AEBP2: variants seen among roughly 807,000 people sequenced by gnomAD.
AEBP2 encodes zinc finger protein AEBP2.
AEBP2 carries 10 observed loss-of-function variants against 50.8 expected under a neutral mutation model. That is an observed-to-expected ratio of 0.20 (90% CI 0.12 to 0.33). The LOEUF is 0.33. AEBP2 is among the 10% of genes least tolerant of loss of function. The pLI is 1.00. For missense variants in AEBP2, 570 were observed against 688.0 expected, an observed-to-expected ratio of 0.83 and a Z score of 1.92; for synonymous variants, 296 against 261.3, an observed-to-expected ratio of 1.13 and a Z score of -1.28.
intron 1 of AEBP2, among the ~76,000 whole-genome samples, chr12:19,444,033 A>G (rs1948013296): frequency 1.3e-5 from 2 of 152,170 alleles, no homozygotes; most frequent in South Asian, 2.1e-4. Context: ...GTATTTAGCT[A>G]TGTGAAACCG....
chr12:19,518,033 C>T (rs1949345637), intron 7 of AEBP2, 54 bp from the exon 8 acceptor site: 1 of 1,507,224 alleles, frequency 6.6e-7, no homozygotes, highest in African/African-American at 1.4e-5. Context: ...TCTTGAAGCA[C>T]TCAAATGTGT....
At position 19,439,929 on chromosome 12, in the gene AEBP2, G is replaced by A; in HGVS notation, c.230G>A (p.Gly77Asp). 1 of 1,510,346 alleles carries A rather than the reference G, an allele frequency of 6.6e-7. No homozygotes were observed. Among genetic ancestry groups the A allele is most frequent in the Non-Finnish European group, 8.8e-7 (1 of 1,136,652 alleles). The allele number at this position is 1,510,346 out of a possible 1,614,324, so 93.6% of individuals were successfully genotyped here. A position where few individuals can be genotyped will look rare whatever the true frequency, so the allele number is the denominator to read the frequency against. ...GGCGGCGGCGGAGGAGTGGGGGGCG[G>A]CGAGGCAGAGACGATGTCGGAGCCG... Reference protein sequence around the residue: ...GGGGGGGVGGGEAETMSEPSP... With the variant: ...GGGGGGGVGGDEAETMSEPSP... The change falls in exon 1 of 8, where the codon GGC (glycine) becomes GAC (aspartate). Residue 77 changes from glycine (G) to aspartate (D), a missense_variant. By Grantham distance (94) the Gly-to-Asp change is moderately conservative (BLOSUM62 -1). Around this residue, in one of 2 missense-constraint regions of AEBP2, gnomAD observed 386 missense variants for 336.8 expected, o/e 1.15. Transcript: ENST00000266508.
At position 19,518,459 on chromosome 12, in the gene AEBP2, C is replaced by T; in HGVS notation, c.*342C>T. ...GCTGCTTTTTTTTTTCTTTTCTTCC[C>T]TTTAGTGATTTCAGTAGTTTATATT... On this transcript the variant is annotated 3_prime_UTR_variant, in exon 8 of 8. Transcript: ENST00000266508. 1 of 1,238,724 alleles carries T rather than the reference C, an allele frequency of 8.1e-7. No homozygotes were observed. The highest frequency in any genetic ancestry group is 1.0e-6 in the Non-Finnish European group (1 of 989,722). The allele number at this position is 1,238,724 out of a possible 1,614,324, so 76.7% of individuals were successfully genotyped here.
intron 1 of AEBP2, among the ~76,000 whole-genome samples, chr12:19,459,897 G>T (rs990185608): frequency 6.6e-6 from 1 of 152,106 alleles, no homozygotes; most frequent in Non-Finnish European, 1.5e-5. Flanking sequence ...TCTAGCATGG[G>T]CAGCAAAACA....
chr12:19,439,326 C>A (rs1947895513), upstream of AEBP2, among the ~76,000 whole-genome samples: 2 of 151,590 alleles, frequency 1.3e-5, no homozygotes, highest in South Asian at 2.1e-4. Flanking sequence ...GGCTTCGAAG[C>A]CCGGCAGGGC....
At chr12:19,436,216 G>T (rs577203105), upstream of AEBP2, among the ~76,000 whole-genome samples, 3 of 152,270 alleles carry the variant, frequency 2.0e-5, no homozygotes, top group South Asian at 6.2e-4. Context: ...ACTCCCACCA[G>T]TGCCTTGACA....
rs552589886 is a variant in AEBP2, at chr12:19,462,385, A to G, written c.672-125A>G. ...GCATTGTTGTTTTCTCATGGAGAAT[A>G]TGGTTACTATGCTTTGTTCACATGG... On this transcript the variant is annotated intron_variant, in intron 1 of 7. Coordinates refer to ENST00000266508, the MANE Select transcript of AEBP2 (RefSeq NM_153207.5). 46 of 766,790 alleles carry G rather than the reference A, an allele frequency of 6.0e-5. No homozygotes were observed. In the Admixed American group the frequency reaches 1.1e-3, roughly 19 times the overall value. 47.5% of individuals were successfully genotyped at this position (766,790 alleles called of 1,614,324 possible).
intron 1 of AEBP2, among the ~76,000 whole-genome samples, chr12:19,420,087 G>A (rs1438923060): frequency 2.1e-5 from 3 of 139,688 alleles, no homozygotes; most frequent in South Asian, 2.5e-4. Flanking sequence ...GCAATGGCAC[G>A]ATCTCAACTC....
intron 1 of AEBP2, chr12:19,457,080 G>A (rs560090025): frequency 1.4e-5 from 22 of 1,605,148 alleles, no homozygotes; most frequent in Admixed American, 1.2e-4. Flanking sequence ...CTTCTGTGTC[G>A]GGGTTGTAGC....
chr12:19,512,026 G>A (rs999798574), intron 5 of AEBP2, among the ~76,000 whole-genome samples: 1 of 151,836 alleles, frequency 6.6e-6, no homozygotes, highest in Non-Finnish European at 1.5e-5. Context: ...TTGATTAGGG[G>A]TGAAAGTTTT....
At chr12:19,418,208 C>G (rs992785249) in intron 1 of AEBP2, among the ~76,000 whole-genome samples, 2 of 148,414 alleles carry the variant, frequency 1.3e-5, no homozygotes, top group Non-Finnish European at 2.9e-5. Context: ...ACACCCCTTT[C>G]TATTGATTAC....
At chr12:19,459,029 T>A (rs1045585324) in intron 1 of AEBP2, among the ~76,000 whole-genome samples, 2 of 152,222 alleles carry the variant, frequency 1.3e-5, no homozygotes, top group African/African-American at 2.4e-5. Context: ...ACATTGAGTT[T>A]TTATTGCTTT....
chr12:19,476,513 TA>T (rs1261136887), intron 3 of AEBP2, among the ~76,000 whole-genome samples: 1 of 132,932 alleles, frequency 7.5e-6, no homozygotes, highest in African/African-American at 2.4e-5. Flanking sequence ...GGCTAATTTT[TA>T]AATTTTTAGT....
intron 2 of AEBP2, among the ~76,000 whole-genome samples, chr12:19,463,640 C>T (rs35211899): frequency 0.093 from 13,243 of 142,434 alleles, 678 homozygotes; most frequent in Middle Eastern, 0.16. Context: ...ACGTTTCTAA[C>T]ATTTTAAGCA....
intron 1 of AEBP2, among the ~76,000 whole-genome samples, chr12:19,414,582 C>CACTG (rs2095741217): frequency 6.6e-6 from 1 of 152,112 alleles, no homozygotes; most frequent in Admixed American, 6.6e-5. Flanking sequence ...CACTGGAGGG[C>CACTG]GATGTCTTTT....
Position 19,522,160 on chromosome 12 carries a change from G to T in AEBP2, c.*4043G>T, listed in dbSNP as rs957979757. On this transcript the variant is annotated 3_prime_UTR_variant, in exon 8 of 8. Transcript: ENST00000266508. ...ATTACAGAATATGTATTCATAAAAG[G>T]GAAGAAATTGTTAGAAAATTTCCTG... is the stretch of plus-strand genomic sequence containing the variant. 1.3e-5 allele frequency: 2 copies of T among 151,866 alleles called. No homozygotes were observed. Among genetic ancestry groups the T allele is most frequent in the Non-Finnish European group, 2.9e-5 (2 of 67,948 alleles). 9.4% of individuals were successfully genotyped at this position (151,866 alleles called of 1,614,324 possible). A position where few individuals can be genotyped will look rare whatever the true frequency, so the allele number is the denominator to read the frequency against.
Position 19,439,668 on chromosome 12 carries a change from GA to G in AEBP2, c.-31del, listed in dbSNP as rs1947905172. 3.2e-5 allele frequency: 8 copies of G among 251,896 alleles called. No individual in the cohort carries two copies. Among genetic ancestry groups the G allele is most frequent in the Admixed American group, 5.8e-5 (1 of 17,380 alleles). 15.6% of individuals were successfully genotyped at this position (251,896 alleles called of 1,614,324 possible). A position where few individuals can be genotyped will look rare whatever the true frequency, so the allele number is the denominator to read the frequency against. On this transcript the variant is annotated 5_prime_UTR_variant, in exon 1 of 8. Transcript: ENST00000266508. ...GTCGAGAGAGGGAGGCGGCGGTGGG[GA>G]GGAGGAGGAGGAGGAGGAGCAGGCG...
chr12:19,509,242 TC>T (rs1196452356), intron 5 of AEBP2: 1 of 331,540 alleles, frequency 3.0e-6, no homozygotes, highest in Non-Finnish European at 5.8e-6. Context: ...AAGCACAGAG[TC>T]AGCTAAATTG....
chr12:19,404,930 C>CTT (rs34351225), intron 1 of AEBP2, among the ~76,000 whole-genome samples: 4,962 of 95,442 alleles, frequency 0.052, 559 homozygotes, highest in African/African-American at 0.17. Flanking sequence ...CTTGGCTACT[C>CTT]TTTTTTTTTT....
Sources: allele counts gnomAD v4.1 joint callset (sites outside exome capture counted in the v4.1 genomes callset), GRCh38; gene constraint gnomAD v4.1.1; regional missense constraint gnomAD v4.1.1; transcripts MANE v1.5; gene names NCBI Gene and HGNC (gene_info 2026-07-23, HGNC 2026-07-21).